Variants in SMIM20 observed in about 807,000 individuals in gnomAD.
SMIM20 encodes the protein small integral membrane protein 20, also known as mitochondrial translation regulation assembly intermediate of cytochrome c oxidase protein of 7 kDa.
Under a neutral mutation model 8.7 loss-of-function variants are expected in SMIM20, and 3 were observed. That is an observed-to-expected ratio of 0.34 (90% confidence interval 0.16 to 0.89). The LOEUF is 0.89. SMIM20 is among the 40% of genes least tolerant of loss of function. The pLI, the probability that SMIM20 is intolerant of heterozygous loss-of-function variation, is 0.49. For synonymous variants in SMIM20, 44 were observed against 33.6 expected, an observed-to-expected ratio of 1.31 and a Z score of -1.07; for missense variants, 85 against 84.8, an observed-to-expected ratio of 1.00 and a Z score of -0.01.
At chr4:25,918,991 G>A (rs1168117578) in intron 1 of SMIM20, among the ~76,000 whole-genome samples, 1 of 129,976 alleles carries the variant, frequency 7.7e-6, no homozygotes, top group African/African-American at 2.9e-5. Flanking sequence ...TGCAAGCTCC[G>A]CTTCCCGGGT....
intron 1 of SMIM20, among the ~76,000 whole-genome samples, chr4:25,925,445 C>T (rs1181534011): frequency 2.0e-5 from 3 of 152,088 alleles, no homozygotes; most frequent in Non-Finnish European, 2.9e-5. Flanking sequence ...TCACGTTGGC[C>T]AGGCTGGTCT....
rs774057151 is a variant in SMIM20 at position 25,914,349 on chromosome 4, C to T, written c.36C>T (p.Gly12=). The T allele has an allele frequency of 7.1e-6, 11 of 1,550,394 alleles. No individual in the cohort carries two copies. The highest frequency in any genetic ancestry group is 1.7e-4 in the Middle Eastern group (1 of 6,004). The change falls in exon 1 of 3, where the codon GGC becomes GGT. Residue 12 remains glycine (G), a synonymous_variant. Transcript: ENST00000506197. ...ACCTGCGCACCGCGCTCATTTTCGG[C>T]GGCTTCATCTCCCTGATCGGCGCCG... ...SRNLRTALIF[G]GFISLIGAAF...
intron 1 of SMIM20, among the ~76,000 whole-genome samples, chr4:25,916,302 C>T (rs1342686791): frequency 6.6e-6 from 1 of 151,566 alleles, no homozygotes; most frequent in East Asian, 1.9e-4. Flanking sequence ...TCTCCATCTC[C>T]CAGGTTCAAG....
At chr4:25,922,461 A>G (rs1469592389) in intron 1 of SMIM20, among the ~76,000 whole-genome samples, 1 of 152,170 alleles carries the variant, frequency 6.6e-6, no homozygotes, top group African/African-American at 2.4e-5. Flanking sequence ...TGACACAGGA[A>G]GTCAGGTCAT....
At chr4:25,926,239 G>A (rs1374337632) in intron 1 of SMIM20, among the ~76,000 whole-genome samples, 3 of 152,178 alleles carry the variant, frequency 2.0e-5, no homozygotes, top group Admixed American at 6.5e-5. Flanking sequence ...TGAGGGACTC[G>A]TTTCTGTTTT....
At position 25,929,202 on chromosome 4, in the gene SMIM20, A is replaced by T; in HGVS notation, c.*11A>T. On this transcript the variant is annotated 3_prime_UTR_variant, in exon 3 of 3. Coordinates refer to ENST00000506197, the MANE Select transcript of SMIM20 (RefSeq NM_001145432.3). Reference sequence around the variant, plus strand: ...TTTGGCAGGAAATGAGAGGGCTGTCATCAGCTCTGATTAAGAAAGGAGATT... The same window carrying T: ...TTTGGCAGGAAATGAGAGGGCTGTCTTCAGCTCTGATTAAGAAAGGAGATT... 6.4e-7 allele frequency: 1 copy of T among 1,551,976 alleles called. No individual in the cohort carries two copies.
chr4:25,922,382 T>C (rs1310941687), intron 1 of SMIM20, among the ~76,000 whole-genome samples: 2 of 152,198 alleles, frequency 1.3e-5, no homozygotes, highest in Non-Finnish European at 2.9e-5. Flanking sequence ...ATGGTGTGGA[T>C]GCTGCCATAT....
chr4:25,925,659 G>A (rs148302941), intron 1 of SMIM20, among the ~76,000 whole-genome samples: 3,233 of 152,262 alleles, frequency 0.021, 47 homozygotes, highest in Non-Finnish European at 0.033. Flanking sequence ...CTCCACTAGA[G>A]CACCCTCAAC....
In SMIM20 at chr4:25,914,318, C is replaced by T; in HGVS notation, c.5C>T (p.Ser2Phe). Reference protein sequence around the residue: MSRNLRTALIFG... With the variant: MFRNLRTALIFG... ...GGCAGCCCGGGGCCTGACGCCATGT[C>T]CCGGAACCTGCGCACCGCGCTCATT... Residue 2 changes from serine to phenylalanine, a missense_variant, in exon 1 of 3, where the codon TCC (serine) becomes TTC (phenylalanine). Coordinates refer to ENST00000506197, the MANE Select transcript of SMIM20 (RefSeq NM_001145432.3). 6.5e-7 allele frequency: 1 copy of T among 1,550,344 alleles called. No individual in the cohort carries two copies. Among genetic ancestry groups the T allele is most frequent in the East Asian group, 2.4e-5 (1 of 40,900 alleles).
intron 1 of SMIM20, among the ~76,000 whole-genome samples, chr4:25,928,033 T>G (rs185889025): frequency 6.6e-6 from 1 of 152,382 alleles, no homozygotes; most frequent in Non-Finnish European, 1.5e-5. Context: ...GTTGTTTTCT[T>G]GTCTTTCCAA....
chr4:25,918,842 A>G (rs1296721796), intron 1 of SMIM20, among the ~76,000 whole-genome samples: 1 of 136,072 alleles, frequency 7.3e-6, no homozygotes, highest in Non-Finnish European at 1.6e-5. Flanking sequence ...TTCCTAGCTT[A>G]TCTGTTTCTC....
rs1173048325 is a variant in SMIM20 at position 25,928,349 on chromosome 4, A to G, written c.146A>G (p.Gln49Arg). 1.9e-6 allele frequency: 3 copies of G among 1,550,610 alleles called. No homozygotes were observed. Residue 49 changes from glutamine (Q) to arginine (R), a missense_variant, in exon 2 of 3, where the codon CAA becomes CGA. Gln to Arg is a conservative substitution (Grantham distance 43, BLOSUM62 1). Transcript: ENST00000506197. ...GCTATAAATCGGGCTGGAATTGTTC[A>G]AGAGGATGTGCAGCCACCAGGTAAA... ...EQAINRAGIV[Q>R]EDVQPPGLKV...
intron 1 of SMIM20, among the ~76,000 whole-genome samples, chr4:25,925,062 G>GTT (rs1248971024): frequency 6.6e-6 from 1 of 151,944 alleles, no homozygotes; most frequent in Non-Finnish European, 1.5e-5. Flanking sequence ...AAGATATCTT[G>GTT]TTATATATAT....
chr4:25,918,186 C>G (rs1053255061), intron 1 of SMIM20, among the ~76,000 whole-genome samples: 1 of 152,112 alleles, frequency 6.6e-6, no homozygotes, highest in African/African-American at 2.4e-5. Context: ...TCGTGATCCG[C>G]CTGCCTCGGC....
intron 1 of SMIM20, among the ~76,000 whole-genome samples, chr4:25,921,443 A>T (rs1719201700): frequency 6.6e-6 from 1 of 152,196 alleles, no homozygotes; most frequent in South Asian, 2.1e-4. Context: ...GGAGAATGGC[A>T]CCCAGTGTTC....
chr4:25,919,482 G>T (rs1250377775), intron 1 of SMIM20, among the ~76,000 whole-genome samples: 1 of 150,896 alleles, frequency 6.6e-6, no homozygotes, highest in Non-Finnish European at 1.5e-5. Flanking sequence ...GGGATTACAG[G>T]CACATGCCAC....
intron 1 of SMIM20, among the ~76,000 whole-genome samples, chr4:25,924,110 G>C (rs117298746): frequency 0.01 from 1,537 of 152,210 alleles, 82 homozygotes; most frequent in Admixed American, 0.076. Flanking sequence ...GCTTCCCCTT[G>C]GCCCCTGGTT....
At chr4:25,918,177 C>A (rs1303251513) in intron 1 of SMIM20, among the ~76,000 whole-genome samples, 1 of 151,936 alleles carries the variant, frequency 6.6e-6, no homozygotes, top group Non-Finnish European at 1.5e-5. Flanking sequence ...CTCCTGACCT[C>A]GTGATCCGCC....
chr4:25,924,091 G>A (rs781048875), intron 1 of SMIM20, among the ~76,000 whole-genome samples: 92 of 152,218 alleles, frequency 6.0e-4, no homozygotes, highest in African/African-American at 1.9e-3. Context: ...TTGCTGCTGC[G>A]GTCATATGGC....
Sources: allele counts gnomAD v4.1 joint callset (sites outside exome capture counted in the v4.1 genomes callset), GRCh38; gene constraint gnomAD v4.1.1; transcripts MANE v1.5; gene names NCBI Gene and HGNC (gene_info 2026-07-23, HGNC 2026-07-21).